LRRC8A: variants seen among roughly 807,000 people sequenced by gnomAD.
LRRC8A encodes volume-regulated anion channel subunit LRRC8A.
LRRC8A carries 24 observed loss-of-function variants against 52.5 expected under a neutral mutation model. That is an observed-to-expected ratio of 0.46 (90% CI 0.33 to 0.64). The LOEUF (loss-of-function observed/expected upper bound fraction) is 0.64, where lower values mean the gene tolerates loss of function less well. Ranked by LOEUF, LRRC8A falls within the 30% of genes least tolerant of loss-of-function variation. The pLI is 0.02. For synonymous variants in LRRC8A, 492 were observed against 494.2 expected (o/e 1.00, Z 0.06); for missense variants, 677 against 1,094.7 (o/e 0.62, Z 5.38).
intron 3 of LRRC8A, among the ~76,000 whole-genome samples, chr9:128,910,673 G>C (rs1044466505): frequency 2.0e-5 from 3 of 152,170 alleles, no homozygotes; most frequent in African/African-American, 7.2e-5. Context: ...CTGGGCAATA[G>C]AGTGAGACCC....
intron 2 of LRRC8A, among the ~76,000 whole-genome samples, chr9:128,897,701 C>T (rs1038245757): frequency 5.3e-5 from 8 of 152,026 alleles, no homozygotes; most frequent in South Asian, 2.1e-4. Context: ...CCCTGCAGCA[C>T]GCCTGGCTAA....
chr9:128,886,478 A>G (rs1839401302), intron 2 of LRRC8A, among the ~76,000 whole-genome samples: 1 of 152,190 alleles, frequency 6.6e-6, no homozygotes, highest in African/African-American at 2.4e-5. Flanking sequence ...TTCTTCGGTC[A>G]CAGTGGTTTG....
chr9:128,894,132 C>T (rs1008577431), intron 2 of LRRC8A, among the ~76,000 whole-genome samples: 6 of 151,954 alleles, frequency 3.9e-5, no homozygotes, highest in East Asian at 2.0e-4. Flanking sequence ...CCACCCACCT[C>T]GGCCTCCCAA....
intron 1 of LRRC8A, among the ~76,000 whole-genome samples, chr9:128,884,800 C>T (rs767413909): frequency 3.3e-5 from 5 of 152,078 alleles, no homozygotes; most frequent in Non-Finnish European, 7.4e-5. Flanking sequence ...GGATGGCCTC[C>T]GTGCCTATAT....
intron 2 of LRRC8A, among the ~76,000 whole-genome samples, chr9:128,904,243 G>C (rs1840145301): frequency 2.0e-5 from 3 of 152,118 alleles, no homozygotes; most frequent in Non-Finnish European, 1.5e-5. Context: ...ATTTGGCCAG[G>C]CATGGTGACT....
chr9:128,888,890 G>A (rs1048714209), intron 2 of LRRC8A, among the ~76,000 whole-genome samples: 6 of 152,030 alleles, frequency 3.9e-5, no homozygotes, highest in African/African-American at 7.3e-5. Flanking sequence ...GGTGCTCAGC[G>A]TCTCTGGCTT....
In LRRC8A at chr9:128,894,236, C is replaced by T. The variant is rs543781263; in HGVS notation, c.-9+8115C>T. On this transcript the variant is annotated intron_variant, in intron 2 of 3. Transcript: ENST00000372600. Reference sequence around the variant, plus strand: ...TGGTGGCTCACACCTGTAATCCCAGCACTTTGGGAGGCTGAGGCAGGCAGA... The same window carrying T: ...TGGTGGCTCACACCTGTAATCCCAGTACTTTGGGAGGCTGAGGCAGGCAGA... Among the ~76,000 whole-genome samples, 5 of 152,032 alleles carry T rather than the reference C, an allele frequency of 3.3e-5. No individual in the cohort carries two copies. The South Asian group carries it at 1.0e-3, about 32-fold the overall frequency.
Position 128,908,375 on chromosome 9 carries a change from A to G in LRRC8A, c.1211A>G (p.Gln404Arg). 6.2e-7 allele frequency: 1 copy of G among 1,613,938 alleles called. No individual in the cohort carries two copies. The highest frequency in any genetic ancestry group is 8.5e-7 in the Non-Finnish European group (1 of 1,180,026). Residue 404 changes from glutamine (Q) to arginine (R), a missense_variant, in exon 3 of 4, where the codon CAG becomes CGG. By Grantham distance (43) the Gln-to-Arg change is conservative. This residue lies in a region of LRRC8A where 422 missense variants were observed against 741.5 expected (regional missense o/e 0.57). Transcript: ENST00000372600. ...GAGGTGAGTGAGAACAAGCTGCGGC[A>G]GCTGAACCTCAACAACGAGTGGACG... The part of the protein sequence containing the change: ...LSEVSENKLR[Q>R]LNLNNEWTLD...
At position 128,916,501 on chromosome 9, in the gene LRRC8A, C is replaced by A; in HGVS notation, c.*130C>A. 8.4e-7 allele frequency: 1 copy of A among 1,183,536 alleles called. No homozygotes were observed. The highest frequency in any genetic ancestry group is 1.2e-6 in the Non-Finnish European group (1 of 866,408). 73.3% of individuals were successfully genotyped at this position (1,183,536 alleles called of 1,614,324 possible). On this transcript the variant is annotated 3_prime_UTR_variant, in exon 4 of 4. Coordinates refer to ENST00000372600, the MANE Select transcript of LRRC8A (RefSeq NM_019594.4). The surrounding 1 kb of genome is among the most constrained non-coding windows in gnomAD (Gnocchi z 6.1). ...TCGTGGCTGGGCAGGAGCCTGGGGC[C>A]GCTTGTGAGTCAGGCCAGAGCGAGA... is the stretch of plus-strand genomic sequence containing the variant.
chr9:128,900,776 C>G (rs1839994944), intron 2 of LRRC8A, among the ~76,000 whole-genome samples: 1 of 152,158 alleles, frequency 6.6e-6, no homozygotes, highest in South Asian at 2.1e-4. Flanking sequence ...GCCCGTAGTC[C>G]CAGCTACTTA....
At chr9:128,882,424 C>T (rs1839092407) in intron 1 of LRRC8A, 174 bp downstream of exon 1, 4 of 314,538 alleles carry the variant, frequency 1.3e-5, no homozygotes, top group East Asian at 4.8e-5. Flanking sequence ...CTCCCCAGTG[C>T]CCGGAGTCTC....
At chr9:128,913,700 CCACTGCATGTGTCAG>C (rs1840667322) in intron 3 of LRRC8A, among the ~76,000 whole-genome samples, 1 of 152,190 alleles carries the variant, frequency 6.6e-6, no homozygotes, top group African/African-American at 2.4e-5. Flanking sequence ...CTGTCCCTGA[CCACTGCATGTGTCAG>C]CAGAGGAGAT....
intron 2 of LRRC8A, among the ~76,000 whole-genome samples, chr9:128,903,648 C>T (rs1192794097): frequency 6.6e-6 from 1 of 151,698 alleles, no homozygotes; most frequent in Non-Finnish European, 1.5e-5. Context: ...CTCCTGACCT[C>T]GTGATCCGCC....
In LRRC8A at chr9:128,908,891, A is replaced by G; in HGVS notation, c.1727A>G (p.Asn576Ser). 6.2e-7 allele frequency: 1 copy of G among 1,613,900 alleles called. No individual in the cohort carries two copies. Among genetic ancestry groups the G allele is most frequent in the Non-Finnish European group, 8.5e-7 (1 of 1,180,014 alleles). Residue 576 changes from asparagine to serine, a missense_variant, in exon 3 of 4, where the codon AAT becomes AGT. Around this residue, in one of 4 missense-constraint regions of LRRC8A, gnomAD observed 422 missense variants for 741.5 expected, o/e 0.57. Coordinates refer to ENST00000372600, the MANE Select transcript of LRRC8A (RefSeq NM_019594.4). ...CACCTGCAGAAGCTGTCCATCAACA[A>G]TGAGGGCACCAAGCTCATCGTCCTC... Reference protein sequence around the residue: ...GVHLQKLSINNEGTKLIVLNS... With the variant: ...GVHLQKLSINSEGTKLIVLNS...
In LRRC8A at chr9:128,902,233, G is replaced by A. The variant is rs1840056086; in HGVS notation, c.-8-4924G>A. On this transcript the variant is annotated intron_variant, in intron 2 of 3. Coordinates refer to ENST00000372600, the MANE Select transcript of LRRC8A (RefSeq NM_019594.4). The surrounding 1 kb of genome is among the most constrained non-coding windows in gnomAD (Gnocchi z 4.1). ...TTTACCCCCGCTGGACCTAGCCAAG[G>A]GCTGAACAGAGTCCGGATGTTCCCA... 6.6e-6 allele frequency among the ~76,000 whole-genome samples: 1 copy of A among 152,232 alleles called. No individual in the cohort carries two copies. The highest frequency in any genetic ancestry group is 1.9e-4 in the East Asian group (1 of 5,194).
At chr9:128,895,697 C>T (rs577205797) in intron 2 of LRRC8A, among the ~76,000 whole-genome samples, 42 of 152,230 alleles carry the variant, frequency 2.8e-4, no homozygotes, top group Non-Finnish European at 4.4e-4. Flanking sequence ...GGAGTGCTTA[C>T]GAGTTCTGCA....
At chr9:128,888,809 T>C (rs1162991386) in intron 2 of LRRC8A, among the ~76,000 whole-genome samples, 1 of 152,058 alleles carries the variant, frequency 6.6e-6, no homozygotes, top group Non-Finnish European at 1.5e-5. Flanking sequence ...TCCTCCATTC[T>C]TCCCCAGGAG....
intron 3 of LRRC8A, 123 bp from the exon 4 acceptor site, chr9:128,915,971 GCT>G: frequency 1.7e-6 from 2 of 1,198,762 alleles, no homozygotes; most frequent in Non-Finnish European, 2.3e-6. Context: ...CCCAGATTGT[GCT>G]GATGCTGGGG....
chr9:128,900,666 C>G (rs1338698747), intron 2 of LRRC8A, among the ~76,000 whole-genome samples: 4 of 152,100 alleles, frequency 2.6e-5, no homozygotes, highest in African/African-American at 9.7e-5. Context: ...TGAGATCATG[C>G]CACTGCTCCA....
Sources: gnomAD v4.1 joint callset for allele counts (sites outside exome capture counted in the v4.1 genomes callset) on GRCh38, gnomAD v4.1.1 for gene constraint, gnomAD v4.1.1 regional missense constraint, Gnocchi (gnomAD v3.1) non-coding constraint, MANE v1.5 for transcripts, NCBI Gene and HGNC (gene_info 2026-07-23, HGNC 2026-07-21) for gene names.